The following SOX30 variants were observed in gnomAD, a reference collection of about 807,000 sequenced individuals.
The protein encoded by SOX30 is transcription factor SOX-30.
Under a neutral mutation model 58.6 loss-of-function variants are expected in SOX30, and 17 were observed. The observed-to-expected ratio is 0.29, with a 90% CI of 0.20 to 0.44. The LOEUF (loss-of-function observed/expected upper bound fraction) is 0.44, where lower values mean the gene tolerates loss of function less well. SOX30 is among the 20% of genes least tolerant of loss of function. The pLI is 1.00. For synonymous variants in SOX30, 421 were observed against 400.2 expected (o/e 1.05, Z -0.62); for missense variants, 951 against 965.8 (o/e 0.98, Z 0.20).
chr5:157,663,573 A>G (rs1430143557), intron 2 of SOX30, among the ~76,000 whole-genome samples: 2 of 152,164 alleles, frequency 1.3e-5, no homozygotes, highest in South Asian at 2.1e-4. Context: ...CACCACTCCT[A>G]TTCAACATAG....
chr5:157,652,456 G>A, upstream of SOX30: 3 of 929,170 alleles, frequency 3.2e-6, no homozygotes, highest in Non-Finnish European at 3.9e-6. Context: ...CCCAGGAAAC[G>A]TTGCGCTTCC....
Position 157,632,565 on chromosome 5 carries a change from G to A in SOX30, c.1880+5665C>T, listed in dbSNP as rs572418009. Among the ~76,000 whole-genome samples, 6 of 152,066 alleles carry A rather than the reference G, an allele frequency of 3.9e-5. No homozygotes were observed. The South Asian group carries it at 6.2e-4, about 16-fold the overall frequency. The stretch of plus-strand genomic sequence containing the variant: ...GGAGGCAGTGCAGTGAGCCGAGATC[G>A]TGGCATTACACTCCAGCCTGGGCAA... On this transcript the variant is annotated intron_variant, in intron 4 of 4. Coordinates refer to ENST00000265007, the MANE Select transcript of SOX30 (RefSeq NM_178424.2).
chr5:157,668,018 G>A (rs1289587342), intron 1 of SOX30, among the ~76,000 whole-genome samples: 1 of 152,232 alleles, frequency 6.6e-6, no homozygotes, highest in Non-Finnish European at 1.5e-5. Flanking sequence ...AATGTCAGAT[G>A]TGAACCAGGC....
At chr5:157,636,031 G>C (rs930945510) in intron 4 of SOX30, among the ~76,000 whole-genome samples, 7 of 152,062 alleles carry the variant, frequency 4.6e-5, no homozygotes, top group Non-Finnish European at 1.0e-4. Flanking sequence ...TTATTTAACT[G>C]AAAAAGTAGG....
upstream of SOX30, among the ~76,000 whole-genome samples, chr5:157,656,981 A>G (rs1161724936): frequency 6.6e-6 from 1 of 152,230 alleles, no homozygotes; most frequent in African/African-American, 2.4e-5. Context: ...TAACAAAAAT[A>G]TGTAAAGGGT....
chr5:157,652,270 GT>G lies in SOX30; in HGVS notation c.-193del, dbSNP rs1759376358. On this transcript the variant is annotated 5_prime_UTR_variant, in exon 1 of 5. It removes the in-frame stop codon of an upstream open reading frame in the 5' UTR. Coordinates refer to ENST00000265007, the MANE Select transcript of SOX30 (RefSeq NM_178424.2). ...CCCGTGGACGGCCAATCACAGGCGG[GT>G]TTTCCGGCTCTTCCTGGTCCCTACT... 2.4e-6 allele frequency: 3 copies of G among 1,251,754 alleles called. No individual in the cohort carries two copies. Among genetic ancestry groups the G allele is most frequent in the South Asian group, 3.6e-5 (1 of 27,584 alleles). The allele number at this position is 1,251,754 out of a possible 1,614,324, so 77.5% of individuals were successfully genotyped here. A position where few individuals can be genotyped will look rare whatever the true frequency, so the allele number is the denominator to read the frequency against.
intron 3 of SOX30, among the ~76,000 whole-genome samples, chr5:157,641,517 G>T (rs952445678): frequency 1.3e-5 from 2 of 152,184 alleles, no homozygotes; most frequent in Non-Finnish European, 2.9e-5. Flanking sequence ...GGAGGCTGAG[G>T]CAGGAGAATT....
chr5:157,635,031 G>T (rs1758893575), intron 4 of SOX30, among the ~76,000 whole-genome samples: 2 of 152,124 alleles, frequency 1.3e-5, no homozygotes, highest in Admixed American at 1.3e-4. Flanking sequence ...GGCATTTAGG[G>T]TTTACTGAAA....
At position 157,638,293 on chromosome 5, in the gene SOX30, G is replaced by C; in HGVS notation, c.1817C>G (p.Thr606Arg). The change falls in exon 4 of 5, where the codon ACA (threonine) becomes AGA (arginine). Residue 606 changes from threonine (T) to arginine (R), a missense_variant. By Grantham distance (71) the Thr-to-Arg change is moderately conservative. This residue lies in a region of SOX30 where 381 missense variants were observed against 390.0 expected (regional missense o/e 0.98). Coordinates refer to ENST00000265007, the MANE Select transcript of SOX30 (RefSeq NM_178424.2). Reference protein sequence around the residue: ...PLGHPATLFGTPPRFSFHHPY... With the variant: ...PLGHPATLFGRPPRFSFHHPY... Reference sequence around the variant, plus strand: ...GTGATGAAAAGAGAATCTTGGTGGTGTCCCGAACAGTGTGGCTGGATGGCC... The same window carrying C: ...GTGATGAAAAGAGAATCTTGGTGGTCTCCCGAACAGTGTGGCTGGATGGCC... 4 of 1,598,932 alleles carry C rather than the reference G, an allele frequency of 2.5e-6. No homozygotes were observed. The highest frequency in any genetic ancestry group is 3.4e-6 in the Non-Finnish European group (4 of 1,171,476).
intron 1 of SOX30, among the ~76,000 whole-genome samples, chr5:157,649,687 G>A (rs1759280233): frequency 6.6e-6 from 1 of 152,170 alleles, no homozygotes; most frequent in Non-Finnish European, 1.5e-5. Context: ...CTACCTAGGA[G>A]GCTGAGGCAG....
chr5:157,626,782 A>G, intron 4 of SOX30, 61 bp from the exon 5 acceptor site: 1 of 1,512,804 alleles, frequency 6.6e-7, no homozygotes, highest in Non-Finnish European at 8.8e-7. Context: ...TTGCATACAG[A>G]CTAACAGAGC....
In SOX30 at chr5:157,626,724, G is replaced by A; in HGVS notation, c.1881-3C>T. ...GAGGCCGACTGTAAGGGCATGTACT[G>A]CAGCAGAAAAACACAAACAAGGAAT... On this transcript the variant is annotated splice_polypyrimidine_tract_variant and splice_region_variant and intron_variant, in intron 4 of 4. Coordinates refer to ENST00000265007, the MANE Select transcript of SOX30 (RefSeq NM_178424.2). The A allele has an allele frequency of 1.3e-6, 2 of 1,584,796 alleles. No homozygotes were observed. Among genetic ancestry groups the A allele is most frequent in the Non-Finnish European group, 8.6e-7 (1 of 1,168,376 alleles).
rs1759341946 is a variant in SOX30, at chr5:157,651,570, C to T, written c.509G>A (p.Gly170Asp). ...PRASRVVKLEGPGPALGYFRG... is the reference protein window; with the variant it reads ...PRASRVVKLEDPGPALGYFRG... ...GAAGTAGCCGAGGGCCGGCCCGGGG[C>T]CTTCCAACTTGACCACCCTGGAGGC... Residue 170 changes from glycine to aspartate, a missense_variant, in exon 1 of 5, where the codon GGC becomes GAC. Coordinates refer to ENST00000265007, the MANE Select transcript of SOX30 (RefSeq NM_178424.2). 2.5e-6 allele frequency: 4 copies of T among 1,613,298 alleles called. No individual in the cohort carries two copies. The highest frequency in any genetic ancestry group is 3.4e-6 in the Non-Finnish European group (4 of 1,180,008).
chr5:157,632,786 T>A (rs188299453), intron 4 of SOX30, among the ~76,000 whole-genome samples: 1 of 152,302 alleles, frequency 6.6e-6, no homozygotes, highest in African/African-American at 2.4e-5. Flanking sequence ...ATTCCTTTTA[T>A]CAAGGTTAAG....
At chr5:157,645,537 C>A (rs1010826682) in intron 3 of SOX30, among the ~76,000 whole-genome samples, 1 of 151,686 alleles carries the variant, frequency 6.6e-6, no homozygotes, top group African/African-American at 2.4e-5. Context: ...TGGTGTGCAC[C>A]TATAGTCCCA....
chr5:157,641,660 A>G (rs1457228722), intron 3 of SOX30, among the ~76,000 whole-genome samples: 3 of 152,188 alleles, frequency 2.0e-5, no homozygotes, highest in African/African-American at 7.2e-5. Flanking sequence ...TATCAAAGAA[A>G]TAGTAAAAGT....
chr5:157,660,875 A>G (rs1418603773), intron 2 of SOX30, among the ~76,000 whole-genome samples: 1 of 152,220 alleles, frequency 6.6e-6, no homozygotes, highest in Non-Finnish European at 1.5e-5. Context: ...AATTATATTG[A>G]ATCTATGGAT....
chr5:157,644,078 G>A (rs113126933), intron 3 of SOX30, among the ~76,000 whole-genome samples: 8 of 152,290 alleles, frequency 5.3e-5, no homozygotes, highest in African/African-American at 1.9e-4. Context: ...ATGATTTACT[G>A]TTAAGGTGTA....
At chr5:157,631,415 T>C (rs968126068) in intron 4 of SOX30, among the ~76,000 whole-genome samples, 6 of 152,220 alleles carry the variant, frequency 3.9e-5, no homozygotes, top group Admixed American at 2.6e-4. Context: ...AGCTTTGCTC[T>C]TGGGTGCAGT....
Sources: gnomAD v4.1 joint callset for allele counts (sites outside exome capture counted in the v4.1 genomes callset) on GRCh38, gnomAD v4.1.1 for gene constraint, gnomAD v4.1.1 regional missense constraint, MANE v1.5 for transcripts, NCBI Gene and HGNC (gene_info 2026-07-23, HGNC 2026-07-21) for gene names.